Variants in CRISP1 observed in about 807,000 individuals in gnomAD.
CRISP1 encodes cysteine-rich secretory protein 1.
Under a neutral mutation model 33.1 loss-of-function variants are expected in CRISP1, and 44 were observed. The observed-to-expected ratio is 1.33, with a 90% CI of 1.05 to 1.71. CRISP1 has a LOEUF of 1.71. Among genes scored for constraint, CRISP1 ranks in the 40% most tolerant of loss-of-function variants. The probability of loss-of-function intolerance (pLI) is 0.00; values close to 1 mark genes in which losing one functional copy is unlikely to be tolerated. For synonymous variants in CRISP1, 103 were observed against 98.7 expected, an observed-to-expected ratio of 1.04 and a Z score of -0.26; for missense variants, 390 against 301.2, an observed-to-expected ratio of 1.29 and a Z score of -2.18.
At chr6:49,839,320 G>A (rs1056947882) in intron 6 of CRISP1, among the ~76,000 whole-genome samples, 8 of 147,670 alleles carry the variant, frequency 5.4e-5, no homozygotes, top group Middle Eastern at 3.3e-3. Context: ...GCCTGGTGGC[G>A]TATGCCTGTA....
At chr6:49,861,034 G>A (rs1273436003) in intron 1 of CRISP1, among the ~76,000 whole-genome samples, 2 of 151,952 alleles carry the variant, frequency 1.3e-5, no homozygotes, top group East Asian at 1.9e-4. Flanking sequence ...AACCTACCAA[G>A]ATTGAATCAG....
Position 49,846,665 on chromosome 6 carries a change from G to A in CRISP1, c.290C>T (p.Thr97Ile), listed in dbSNP as rs756515769. Residue 97 changes from threonine to isoleucine, a missense_variant, in exon 5 of 8, where the codon ACC (threonine) becomes ATC (isoleucine). Coordinates refer to ENST00000335847, the MANE Select transcript of CRISP1 (RefSeq NM_001131.3). ...SNPLERRLPN[T>I]FCGENMHMTS... ...CATATGCATATTTTCTCCACAAAAG[G>A]TATCTGAAATGAGAAAACGGGCTGG... 1.2e-6 allele frequency: 2 copies of A among 1,612,880 alleles called. No individual in the cohort carries two copies. Among genetic ancestry groups the A allele is most frequent in the Non-Finnish European group, 1.7e-6 (2 of 1,179,400 alleles).
chr6:49,853,001 A>G (rs557220448), intron 2 of CRISP1, among the ~76,000 whole-genome samples: 35 of 152,218 alleles, frequency 2.3e-4, no homozygotes, highest in African/African-American at 7.5e-4. Context: ...CAATTTATGA[A>G]TGAATACGAT....
At chr6:49,848,638 T>A (rs1771259004) in intron 3 of CRISP1, among the ~76,000 whole-genome samples, 1 of 152,116 alleles carries the variant, frequency 6.6e-6, no homozygotes, top group Non-Finnish European at 1.5e-5. Context: ...TGTTATTTTA[T>A]CTCTTTGAAT....
At chr6:49,841,132 AG>A in intron 5 of CRISP1, 137 bp from the exon 6 acceptor site, 1 of 707,542 alleles carries the variant, frequency 1.4e-6, no homozygotes, top group Non-Finnish European at 2.4e-6. Context: ...AAGAAGTCAT[AG>A]AAACAAAAGG....
intron 6 of CRISP1, 123 bp downstream of exon 6, chr6:49,840,775 C>T (rs1770959565): frequency 4.5e-6 from 3 of 668,738 alleles, no homozygotes; most frequent in Non-Finnish European, 7.5e-6. Flanking sequence ...TGGGTTATTT[C>T]CAGCTCTTGT....
intron 1 of CRISP1, among the ~76,000 whole-genome samples, chr6:49,875,085 A>C (rs537494636): frequency 6.6e-6 from 1 of 152,154 alleles, no homozygotes; most frequent in South Asian, 2.1e-4. Flanking sequence ...GAAGAAAATA[A>C]AGTGTATTTA....
intron 5 of CRISP1, among the ~76,000 whole-genome samples, chr6:49,842,248 A>G (rs894530467): frequency 2.6e-5 from 4 of 152,106 alleles, no homozygotes; most frequent in Non-Finnish European, 5.9e-5. Context: ...AACATTTTCT[A>G]CCAATGAGTA....
At chr6:49,864,099 G>C (rs903235731) in intron 1 of CRISP1, among the ~76,000 whole-genome samples, 3 of 151,818 alleles carry the variant, frequency 2.0e-5, no homozygotes, top group African/African-American at 7.3e-5. Flanking sequence ...GATATAACTA[G>C]GATTAGTTTT....
At chr6:49,853,255 T>A (rs1360591256) in intron 2 of CRISP1, among the ~76,000 whole-genome samples, 4 of 152,124 alleles carry the variant, frequency 2.6e-5, no homozygotes, top group African/African-American at 9.7e-5. Context: ...TCCTTGCTCC[T>A]CTCAAAATCT....
chr6:49,859,848 G>C (rs1771599549), intron 1 of CRISP1, among the ~76,000 whole-genome samples: 1 of 152,044 alleles, frequency 6.6e-6, no homozygotes, highest in Non-Finnish European at 1.5e-5. Context: ...TGACCCAACT[G>C]TATTCTGTCT....
At chr6:49,849,639 T>C (rs1771289081) in intron 3 of CRISP1, among the ~76,000 whole-genome samples, 1 of 152,182 alleles carries the variant, frequency 6.6e-6, no homozygotes, top group African/African-American at 2.4e-5. Context: ...ATAGAGTTTG[T>C]TTTTACTATA....
At position 49,866,523 on chromosome 6, in the gene CRISP1, A is replaced by G. The variant is rs1389633113; in HGVS notation, c.-97T>C. ...GCTTTTAAATGACAGTCCACAGGGG[A>G]GATTTGTTCAATGAGGTAGTCAGTA... On this transcript the variant is annotated 5_prime_UTR_variant, in exon 1 of 8. Transcript: ENST00000335847. 1.3e-5 allele frequency: 2 copies of G among 152,098 alleles called. No homozygotes were observed. Among genetic ancestry groups the G allele is most frequent in the African/African-American group, 4.8e-5 (2 of 41,422 alleles). 9.4% of individuals were successfully genotyped at this position (152,098 alleles called of 1,614,324 possible).
chr6:49,855,312 G>T (rs150744254), intron 2 of CRISP1, among the ~76,000 whole-genome samples: 1 of 152,040 alleles, frequency 6.6e-6, no homozygotes, highest in African/African-American at 2.4e-5. Flanking sequence ...CAGACACAAT[G>T]GATTCACTTT....
rs145624296 is a variant in CRISP1, at chr6:49,852,637, T to A, written c.67-508A>T. On this transcript the variant is annotated intron_variant, in intron 2 of 7. Coordinates refer to ENST00000335847, the MANE Select transcript of CRISP1 (RefSeq NM_001131.3). Reference sequence around the variant, plus strand: ...AAGTTGCAAGTGTTATTAACACAAATTCTATGTCTTCTTACTGTTCATATG... The same window carrying A: ...AAGTTGCAAGTGTTATTAACACAAAATCTATGTCTTCTTACTGTTCATATG... 2.2e-3 allele frequency among the ~76,000 whole-genome samples: 332 copies of A among 152,306 alleles called. 1 individual carries two copies. Among genetic ancestry groups the A allele is most frequent in the African/African-American group, 7.7e-3 (320 of 41,574 alleles).
intron 6 of CRISP1, among the ~76,000 whole-genome samples, chr6:49,840,171 C>G (rs527522457): frequency 6.6e-6 from 1 of 152,170 alleles, no homozygotes. Context: ...CTATCCAGCT[C>G]TGAATAATCT....
chr6:49,868,764 A>C (rs1438216938), upstream of CRISP1, among the ~76,000 whole-genome samples: 1 of 152,092 alleles, frequency 6.6e-6, no homozygotes, highest in Non-Finnish European at 1.5e-5. Flanking sequence ...CACTCAGTAA[A>C]ATTGTGCTTA....
chr6:49,846,481 C>G (rs1212965882), intron 5 of CRISP1, 39 bp downstream of exon 5: 1 of 1,592,136 alleles, frequency 6.3e-7, no homozygotes, highest in Non-Finnish European at 8.6e-7. Flanking sequence ...ACATGCTTAT[C>G]TCTTAAACAA....
At chr6:49,848,401 T>C in intron 3 of CRISP1, 102 bp from the exon 4 acceptor site, 2 of 586,818 alleles carry the variant, frequency 3.4e-6, no homozygotes, top group East Asian at 3.1e-5. Flanking sequence ...TCTTCAATTG[T>C]ATCAACTAGA....
Sources: gnomAD v4.1 joint callset for allele counts (sites outside exome capture counted in the v4.1 genomes callset) on GRCh38, gnomAD v4.1.1 for gene constraint, MANE v1.5 for transcripts, NCBI Gene and HGNC (gene_info 2026-07-23, HGNC 2026-07-21) for gene names.